The following CEP290 variants were observed in gnomAD, a reference collection of about 807,000 sequenced individuals.
The protein encoded by CEP290 is centrosomal protein 290.
A neutral mutation model predicts 344.9 loss-of-function variants in CEP290; 317 were observed. The observed-to-expected ratio is 0.92, with a 90% CI of 0.84 to 1.01. The LOEUF (loss-of-function observed/expected upper bound fraction) is 1.01, where lower values mean the gene tolerates loss of function less well. Among genes scored for constraint, CEP290 ranks in the 50% least tolerant of loss-of-function variants. The pLI, the probability that CEP290 is intolerant of heterozygous loss-of-function variation, is 0.00. For synonymous variants in CEP290, 932 were observed against 895.8 expected, an observed-to-expected ratio of 1.04 and a Z score of -0.72; for missense variants, 2,754 against 2,761.4, an observed-to-expected ratio of 1.00 and a Z score of 0.06.
intron 44 of CEP290, 132 bp from the exon 45 acceptor site, chr12:88,064,247 C>A: frequency 1.5e-6 from 1 of 676,944 alleles, no homozygotes. Context: ...TCGGAGTGTT[C>A]TGGTGAAAGC....
chr12:88,140,652 CCT>C (rs1280224033), intron 3 of CEP290, among the ~76,000 whole-genome samples: 2 of 152,150 alleles, frequency 1.3e-5, no homozygotes, highest in African/African-American at 4.8e-5. Flanking sequence ...AATCATTTCC[CCT>C]CTTAACAAAT....
Position 88,141,143 on chromosome 12 carries a change from A to G in CEP290, c.102+63T>C. 5 of 1,295,184 alleles carry G rather than the reference A, an allele frequency of 3.9e-6. No individual in the cohort carries two copies. In the South Asian group the frequency reaches 6.8e-5, roughly 17 times the overall value. The allele number at this position is 1,295,184 out of a possible 1,614,324, so 80.2% of individuals were successfully genotyped here. ...TTGTCCCTGAAAAAAATAAATTCAT[A>G]TTTTATTAATAAATTAATCATAAGT... On this transcript the variant is annotated intron_variant, in intron 2 of 53. Coordinates refer to ENST00000552810, the MANE Select transcript of CEP290 (RefSeq NM_025114.4).
At position 88,141,316 on chromosome 12, in the gene CEP290, C is replaced by A. The variant is rs1224656501; in HGVS notation, c.-9G>T. On this transcript the variant is annotated 5_prime_UTR_variant, in exon 2 of 54. Transcript: ENST00000552810. ...TTTATATTAGGTGGCATCTTGAATTCTTTCACTGTGCTCCACCTCTGTAAC... is the reference window on the plus strand; with the variant it reads ...TTTATATTAGGTGGCATCTTGAATTATTTCACTGTGCTCCACCTCTGTAAC... The A allele has an allele frequency of 6.3e-7, 1 of 1,583,110 alleles. No homozygotes were observed. Among genetic ancestry groups the A allele is most frequent in the Non-Finnish European group, 8.7e-7 (1 of 1,155,058 alleles).
At position 88,083,914 on chromosome 12, in the gene CEP290, T is replaced by A; in HGVS notation, c.4745A>T (p.His1582Leu). The A allele has an allele frequency of 6.3e-7, 1 of 1,599,408 alleles. No individual in the cohort carries two copies. Among genetic ancestry groups the A allele is most frequent in the Non-Finnish European group, 8.5e-7 (1 of 1,172,370 alleles). The change falls in exon 36 of 54, where the codon CAT becomes CTT. Residue 1582 changes from histidine to leucine, a missense_variant. By Grantham distance (99) the His-to-Leu change is moderately conservative. Transcript: ENST00000552810. ...EIVKKHEEDL[H>L]ILHHRLELQA... ...TAGTTCTAATCTGTGATGAAGAATA[T>A]GAAGGTCTTCCTCATGTTTCTTCAC...
Position 88,089,211 on chromosome 12 carries a change from C to T in CEP290, c.3850G>A (p.Glu1284Lys). Residue 1284 changes from glutamate to lysine, a missense_variant, in exon 31 of 54, where the codon GAA (glutamate) becomes AAA (lysine). Physicochemically the swap from Glu to Lys is moderately conservative, Grantham distance 56. Transcript: ENST00000552810. ...TGAATCATTGTTTTGGAGAACTTTTCCTGTTGTGCCAAGGGTAAAGCTCCA... is the reference window on the plus strand; with the variant it reads ...TGAATCATTGTTTTGGAGAACTTTTTCTGTTGTGCCAAGGGTAAAGCTCCA... ...FSGALPLAQQ[E>K]KFSKTMIQLQ... is the part of the protein sequence containing the mutation. The T allele has an allele frequency of 1.2e-6, 2 of 1,613,220 alleles. No homozygotes were observed. Among genetic ancestry groups the T allele is most frequent in the East Asian group, 2.2e-5 (1 of 44,854 alleles).
At chr12:88,102,725 A>C in intron 26 of CEP290, 113 bp downstream of exon 26, 2 of 775,942 alleles carry the variant, frequency 2.6e-6, no homozygotes, top group Non-Finnish European at 4.0e-6. Flanking sequence ...ATCTCTGTTA[A>C]ATTTATATAA....
chr12:88,117,773 G>A (rs536716093), intron 17 of CEP290, among the ~76,000 whole-genome samples: 3 of 152,120 alleles, frequency 2.0e-5, no homozygotes, highest in Admixed American at 6.6e-5. Flanking sequence ...GGTGGCTCAC[G>A]CCTATAATTC....
chr12:88,071,490 T>G (rs771946510), intron 42 of CEP290, 41 bp from the exon 43 acceptor site: 8 of 1,529,740 alleles, frequency 5.2e-6, no homozygotes, highest in Non-Finnish European at 7.0e-6. Flanking sequence ...TACCATTCAG[T>G]GTTTGGCTTT....
At position 88,086,150 on chromosome 12, in the gene CEP290, G is replaced by A. The variant is rs772233823; in HGVS notation, c.4326C>T (p.Ile1442=). ...TTGGAAGGGGCAAACTAGGGTCAGG[G>A]ATTGATCCTGTAGCTTCTTCAAACT... The part of the protein sequence containing the change: ...AQKFEEATGS[I]PDPSLPLPNQ... The change falls in exon 34 of 54, where the codon ATC becomes ATT. Residue 1442 remains isoleucine, a synonymous_variant. Transcript: ENST00000552810. 7 of 1,612,622 alleles carry A rather than the reference G, an allele frequency of 4.3e-6. 1 individual carries two copies. The South Asian group carries it at 6.6e-5, about 15-fold the overall frequency.
chr12:88,053,055 C>A (rs1280694155), intron 52 of CEP290, among the ~76,000 whole-genome samples: 2 of 152,078 alleles, frequency 1.3e-5, no homozygotes, highest in African/African-American at 2.4e-5. Context: ...TACATACACA[C>A]TTTAGTGAGG....
At chr12:88,115,394 A>C in intron 18 of CEP290, 1 of 874,076 alleles carries the variant, frequency 1.1e-6, no homozygotes, top group South Asian at 1.5e-5. Context: ...CTCTCCCAAC[A>C]TCCATGGTAA....
At chr12:88,108,397 T>C (rs1252782643) in intron 23 of CEP290, among the ~76,000 whole-genome samples, 1 of 152,216 alleles carries the variant, frequency 6.6e-6, no homozygotes, top group East Asian at 1.9e-4. Context: ...CTTGAATTCA[T>C]GCAGCTATTT....
At chr12:88,071,740 A>T (rs1205929121) in intron 42 of CEP290, 41 bp downstream of exon 42, 1 of 1,473,678 alleles carries the variant, frequency 6.8e-7, no homozygotes, top group East Asian at 2.4e-5. Flanking sequence ...TCACTAAAGG[A>T]TTTTACACAT....
At chr12:88,108,969 A>G (rs2038484387) in intron 23 of CEP290, 97 bp downstream of exon 23, 2 of 497,176 alleles carry the variant, frequency 4.0e-6, no homozygotes, top group Non-Finnish European at 7.1e-6. Context: ...AAGGAAGAAG[A>G]AGAAGGGAAG....
intron 23 of CEP290, among the ~76,000 whole-genome samples, chr12:88,108,073 T>TATATAGAAC (rs2038418248): frequency 1.3e-5 from 2 of 152,230 alleles, no homozygotes; most frequent in African/African-American, 4.8e-5. Flanking sequence ...CCATGTTGTA[T>TATATAGAAC]ACCATAAATT....
At chr12:88,104,165 T>C (rs1565872713) in intron 25 of CEP290, 2 of 152,128 alleles carry the variant, frequency 1.3e-5, no homozygotes, top group Admixed American at 1.3e-4. Flanking sequence ...ATTAAAGAAT[T>C]TCTTGATGCT....
chr12:88,053,615 C>G, intron 52 of CEP290, 37 bp downstream of exon 52: 4 of 917,264 alleles, frequency 4.4e-6, no homozygotes, highest in Non-Finnish European at 6.6e-6. Flanking sequence ...AATTCAAAAA[C>G]TTGGGGGTAG....
intron 46 of CEP290, 75 bp downstream of exon 46, chr12:88,062,616 AC>A: frequency 1.1e-6 from 1 of 931,000 alleles, no homozygotes; most frequent in Non-Finnish European, 1.7e-6. Flanking sequence ...CAGTACTTTT[AC>A]AACATATCTA....
intron 43 of CEP290, among the ~76,000 whole-genome samples, chr12:88,069,667 T>A (rs1368703971): frequency 6.6e-6 from 1 of 152,180 alleles, no homozygotes; most frequent in Non-Finnish European, 1.5e-5. Context: ...GAATGTGGAT[T>A]AGAAGCTCAT....
Sources: allele counts gnomAD v4.1 joint callset (sites outside exome capture counted in the v4.1 genomes callset), GRCh38; gene constraint gnomAD v4.1.1; transcripts MANE v1.5; gene names NCBI Gene and HGNC (gene_info 2026-07-23, HGNC 2026-07-21).